AGMO: variants seen among roughly 807,000 people sequenced by gnomAD.
The protein encoded by AGMO is glyceryl-ether monooxygenase.
AGMO carries 75 observed loss-of-function variants against 60.2 expected under a neutral mutation model. The observed-to-expected ratio is 1.25, with a 90% CI of 1.03 to 1.51. AGMO has a LOEUF of 1.51. AGMO is among the 40% of genes most tolerant of loss of function. The pLI is 0.00. For synonymous variants in AGMO, 261 were observed against 177.1 expected, an observed-to-expected ratio of 1.47 and a Z score of -3.76; for missense variants, 763 against 525.5, an observed-to-expected ratio of 1.45 and a Z score of -4.42.
At chr7:15,312,098 A>G (rs1281975546) in intron 12 of AGMO, among the ~76,000 whole-genome samples, 1 of 152,096 alleles carries the variant, frequency 6.6e-6, no homozygotes, top group Non-Finnish European at 1.5e-5. Flanking sequence ...AGAAAGAAAG[A>G]GAAACAAACT....
chr7:15,358,143 C>A, intron 12 of AGMO: 2 of 179,144 alleles, frequency 1.1e-5, no homozygotes, highest in Non-Finnish European at 2.4e-5. Context: ...TTTAATTCAC[C>A]ATTCTATTTA....
At chr7:15,182,792 A>G in the AGMO span, among the ~76,000 whole-genome samples, 2 of 152,164 alleles carry the variant, frequency 1.3e-5, no homozygotes, top group Non-Finnish European at 2.9e-5. Flanking sequence ...TTTATAAGGA[A>G]AACAGGTTTA....
chr7:15,555,302 C>T (rs868458795), intron 2 of AGMO, among the ~76,000 whole-genome samples: 19,278 of 127,250 alleles, frequency 0.15, 2,694 homozygotes, highest in African/African-American at 0.43. Context: ...TACACACACA[C>T]ACACACACAC....
intron 8 of AGMO, 113 bp from the exon 9 acceptor site, chr7:15,387,653 T>A: frequency 1.4e-6 from 1 of 732,622 alleles, no homozygotes; most frequent in Non-Finnish European, 2.1e-6. Context: ...TTTAAAACGT[T>A]ATGCCTGATT....
At chr7:15,396,233 G>A (rs116290422) in intron 5 of AGMO, 1,845 of 152,486 alleles carry the variant, frequency 0.012, 32 homozygotes, top group African/African-American at 0.043. Flanking sequence ...AAGCCCCACG[G>A]ACCCTCGCAG....
At chr7:15,180,152 C>T in the AGMO span, among the ~76,000 whole-genome samples, 11 of 152,150 alleles carry the variant, frequency 7.2e-5, no homozygotes, top group Admixed American at 7.2e-4. Context: ...CAAAAGGCTG[C>T]TTTGCTACAC....
At chr7:15,336,245 C>T (rs1781656631) in intron 12 of AGMO, among the ~76,000 whole-genome samples, 1 of 148,446 alleles carries the variant, frequency 6.7e-6, no homozygotes, top group Admixed American at 6.7e-5. Flanking sequence ...TAACATTCAC[C>T]AAAAAAAAAA....
chr7:15,480,651 A>C (rs532360381), intron 3 of AGMO, among the ~76,000 whole-genome samples: 1 of 152,308 alleles, frequency 6.6e-6, no homozygotes, highest in South Asian at 2.1e-4. Context: ...AAAGTGTTAA[A>C]CACGTTTGGA....
intron 3 of AGMO, among the ~76,000 whole-genome samples, chr7:15,473,020 C>G (rs1235167259): frequency 1.3e-5 from 2 of 151,706 alleles, no homozygotes; most frequent in Non-Finnish European, 2.9e-5. Flanking sequence ...TGTAAAATAT[C>G]AAGAAATATC....
chr7:15,223,162 A>G (rs1230008473), intron 12 of AGMO, among the ~76,000 whole-genome samples: 2 of 152,020 alleles, frequency 1.3e-5, no homozygotes, highest in Non-Finnish European at 2.9e-5. Flanking sequence ...GTGAGTGCTC[A>G]AAAGGCTATT....
At chr7:15,255,401 T>C (rs559984383) in intron 12 of AGMO, among the ~76,000 whole-genome samples, 34 of 151,884 alleles carry the variant, frequency 2.2e-4, no homozygotes, top group African/African-American at 6.3e-4. Flanking sequence ...CGCTGCCGAA[T>C]TGTACAAAAC....
chr7:15,136,321 T>TAA, the AGMO span, among the ~76,000 whole-genome samples: 1 of 151,814 alleles, frequency 6.6e-6, no homozygotes, highest in Non-Finnish European at 1.5e-5. Flanking sequence ...TGTCACATTG[T>TAA]AAAAAAGGGC....
At chr7:15,198,181 T>C (rs1378009530), downstream of AGMO, among the ~76,000 whole-genome samples, 1 of 146,044 alleles carries the variant, frequency 6.8e-6, no homozygotes, top group East Asian at 2.1e-4. Flanking sequence ...ACGAGTCCTA[T>C]TTTTAGGGCT....
At chr7:15,163,508 T>C in the AGMO span, among the ~76,000 whole-genome samples, 4 of 152,286 alleles carry the variant, frequency 2.6e-5, no homozygotes, top group African/African-American at 9.6e-5. Flanking sequence ...ATACCTAGTT[T>C]GTTGAGCATT....
chr7:15,535,992 G>C (rs1784476298), intron 3 of AGMO, among the ~76,000 whole-genome samples: 1 of 151,918 alleles, frequency 6.6e-6, no homozygotes, highest in Non-Finnish European at 1.5e-5. Flanking sequence ...CTACTTTATA[G>C]AGTTATTCTG....
At chr7:15,479,958 G>A (rs1020011254) in intron 3 of AGMO, among the ~76,000 whole-genome samples, 2 of 152,066 alleles carry the variant, frequency 1.3e-5, no homozygotes, top group African/African-American at 4.8e-5. Context: ...GTCAAAGGGT[G>A]ACTTAAAGCA....
chr7:15,358,385 A>G (rs1406343580), intron 12 of AGMO: 2 of 470,540 alleles, frequency 4.3e-6, no homozygotes, highest in African/African-American at 2.0e-5. Context: ...GATAACGTGG[A>G]AAGGATAATA....
At chr7:15,216,681 C>T (rs1563039236) in intron 12 of AGMO, among the ~76,000 whole-genome samples, 1 of 151,966 alleles carries the variant, frequency 6.6e-6, no homozygotes, top group Non-Finnish European at 1.5e-5. Context: ...CAAATAAAAT[C>T]AAGTTTTTTT....
intron 10 of AGMO, among the ~76,000 whole-genome samples, chr7:15,367,018 C>T (rs1031642891): frequency 2.0e-5 from 3 of 151,930 alleles, no homozygotes; most frequent in East Asian, 1.9e-4. Flanking sequence ...AGTACATGTA[C>T]GGCAGTCTTT....
Sources: allele counts gnomAD v4.1 joint callset (sites outside exome capture counted in the v4.1 genomes callset), GRCh38; gene constraint gnomAD v4.1.1; transcripts MANE v1.5; gene names NCBI Gene and HGNC (gene_info 2026-07-23, HGNC 2026-07-21).